The following SLC4A11 variants were observed in gnomAD, a reference collection of about 807,000 sequenced individuals.
SLC4A11 encodes the protein bicarbonate transporter related protein 1.
Under a neutral mutation model 95.0 loss-of-function variants are expected in SLC4A11, and 74 were observed. The ratio of observed to expected loss-of-function variants is 0.78; its 90% CI spans 0.65 to 0.95. SLC4A11 has a LOEUF of 0.95. Ranked by LOEUF, SLC4A11 falls within the 40% of genes least tolerant of loss-of-function variation. The pLI is 0.00. For missense variants in SLC4A11, 1,081 were observed against 1,192.4 expected (o/e 0.91, Z 1.38); for synonymous variants, 548 against 519.0 (o/e 1.06, Z -0.76).
chr20:3,230,906 A>ACCCACCG (rs752475090), intron 10 of SLC4A11, 27 bp downstream of exon 10: 9 of 902,892 alleles, frequency 1.0e-5, no homozygotes, highest in Admixed American at 6.1e-5. Context: ...GCATACCCCC[A>ACCCACCG]CCCACCGCCC....
At position 3,230,996 on chromosome 20, in the gene SLC4A11, C is replaced by T. The variant is rs770563344; in HGVS notation, c.1105G>A (p.Ala369Thr). The change falls in exon 10 of 20, where the codon GCC (alanine) becomes ACC (threonine). Residue 369 changes from alanine to threonine, a missense_variant. Ala to Thr is a moderately conservative substitution (Grantham distance 58, BLOSUM62 0). Transcript: ENST00000642402. ...AAAGCGATGGTGGGCAGGAGGCAGG[C>T]GAAGTAGAGGAACAGGGTGGTGGTG... ...YITTTLFLYFACLLPTIAFGS... is the reference protein window; with the variant it reads ...YITTTLFLYFTCLLPTIAFGS... The T allele has an allele frequency of 1.3e-5, 21 of 1,613,466 alleles. No individual in the cohort carries two copies. The highest frequency in any genetic ancestry group is 1.0e-4 in the Admixed American group (6 of 59,964).
chr20:3,232,279 T>C (rs1444121402), intron 7 of SLC4A11, among the ~76,000 whole-genome samples: 1 of 152,242 alleles, frequency 6.6e-6, no homozygotes, highest in Non-Finnish European at 1.5e-5. Flanking sequence ...AGCCCGTCCG[T>C]GAACCATGAA....
In SLC4A11 at chr20:3,229,023, G is replaced by A. The variant is rs567863718; in HGVS notation, c.2019-12C>T. ...TGCCCTTCACCAGCCTGCAGCAGAC[G>A]GGCACTCGTGGACAGAGCCCCACAG... On this transcript the variant is annotated splice_polypyrimidine_tract_variant and intron_variant, in intron 16 of 19. Transcript: ENST00000642402. The A allele has an allele frequency of 4.8e-5, 78 of 1,611,396 alleles. No homozygotes were observed. Among genetic ancestry groups the A allele is most frequent in the East Asian group, 1.8e-4 (8 of 44,750 alleles).
intron 7 of SLC4A11, among the ~76,000 whole-genome samples, chr20:3,232,628 G>A (rs1329627159): frequency 2.6e-5 from 4 of 152,278 alleles, no homozygotes; most frequent in Middle Eastern, 6.8e-3. Context: ...CGGGAGAATC[G>A]CTTGAACCTG....
chr20:3,234,352 G>A lies in SLC4A11; in HGVS notation c.292-38C>T, dbSNP rs768203032. ...CAGGGACAGAACCACACGGGCCCATGTATGAGATGCTGTCACTGCCTGGTC... is the reference window on the plus strand; with the variant it reads ...CAGGGACAGAACCACACGGGCCCATATATGAGATGCTGTCACTGCCTGGTC... On this transcript the variant is annotated intron_variant, in intron 4 of 19. Transcript: ENST00000642402. This position sits in a 1 kb window ranked among gnomAD's most constrained non-coding sequence, Gnocchi z 5.8. 3.8e-6 allele frequency: 6 copies of A among 1,587,228 alleles called. No homozygotes were observed. The highest frequency in any genetic ancestry group is 5.2e-6 in the Non-Finnish European group (6 of 1,158,224).
In SLC4A11 at chr20:3,234,413, A is replaced by G; in HGVS notation, c.292-99T>C. The stretch of plus-strand genomic sequence containing the variant: ...AGCCAGCCGCAGCAGTCCAGCCCCC[A>G]GCCCCCAGCCCCCAGCCCTGGGCTG... On this transcript the variant is annotated intron_variant, in intron 4 of 19. Coordinates refer to ENST00000642402, the MANE Select transcript of SLC4A11 (RefSeq NM_001174089.2). This position sits in a 1 kb window ranked among gnomAD's most constrained non-coding sequence, Gnocchi z 5.8. 1.4e-6 allele frequency: 2 copies of G among 1,475,640 alleles called. No homozygotes were observed. Among genetic ancestry groups the G allele is most frequent in the Non-Finnish European group, 1.9e-6 (2 of 1,065,860 alleles). 91.4% of individuals were successfully genotyped at this position (1,475,640 alleles called of 1,614,324 possible).
rs777024612 is a variant in SLC4A11, at chr20:3,228,240, A to C, written c.2558+19T>G. ...CACCTAGACTGGGCCCCTCCTGCCC[A>C]CTGCCCACCCGCCTGTACCGGATGG... On this transcript the variant is annotated intron_variant, in intron 19 of 19. Transcript: ENST00000642402. 2.0e-5 allele frequency: 29 copies of C among 1,430,968 alleles called. No individual in the cohort carries two copies. Among genetic ancestry groups the C allele is most frequent in the Non-Finnish European group, 2.6e-5 (28 of 1,070,820 alleles). 88.6% of individuals were successfully genotyped at this position (1,430,968 alleles called of 1,614,324 possible).
intron 1 of SLC4A11, 162 bp from the exon 2 acceptor site, chr20:3,237,750 G>T (rs2068029706): frequency 6.2e-7 from 1 of 1,613,422 alleles, no homozygotes; most frequent in Non-Finnish European, 8.5e-7. Context: ...CAGTGCTCGG[G>T]AGGGGGCCCC....
At chr20:3,236,146 C>T (rs1168438669) in intron 2 of SLC4A11, among the ~76,000 whole-genome samples, 1 of 152,182 alleles carries the variant, frequency 6.6e-6, no homozygotes, top group Non-Finnish European at 1.5e-5. Flanking sequence ...ACTCCCGCCG[C>T]CAGTTTCCTT....
Position 3,234,760 on chromosome 20 carries a change from T to C in SLC4A11, c.223A>G (p.Met75Val), listed in dbSNP as rs200940928. 47 of 1,613,920 alleles carry C rather than the reference T, an allele frequency of 2.9e-5. 1 individual carries two copies. The East Asian group carries it at 1.0e-3, about 36-fold the overall frequency. Residue 75 changes from methionine (M) to valine (V), a missense_variant, in exon 3 of 20, where the codon ATG becomes GTG. Coordinates refer to ENST00000642402, the MANE Select transcript of SLC4A11 (RefSeq NM_001174089.2). The surrounding 1 kb of genome is among the most constrained non-coding windows in gnomAD (Gnocchi z 5.8). ...CCCATACCAGTGTTGGTGGCCTGCA[T>C]CTCAAGGTTGACATTGACAAAAAAA... Reference protein sequence around the residue: ...IRFFVNVNLEMQATNTENEAT... With the variant: ...IRFFVNVNLEVQATNTENEAT...
rs547306557 is a variant in SLC4A11, at chr20:3,235,034, A to G, written c.89-140T>C. 101 of 1,002,990 alleles carry G rather than the reference A, an allele frequency of 1.0e-4. 1 individual carries two copies. The Admixed American group carries it at 1.3e-3, about 12-fold the overall frequency. The allele number at this position is 1,002,990 out of a possible 1,614,324, so 62.1% of individuals were successfully genotyped here. A position where few individuals can be genotyped will look rare whatever the true frequency, so the allele number is the denominator to read the frequency against. On this transcript the variant is annotated intron_variant, in intron 2 of 19. Coordinates refer to ENST00000642402, the MANE Select transcript of SLC4A11 (RefSeq NM_001174089.2). ...GGGAGAGGCCATCCCATAGGCGAGG[A>G]AGGCAGCTTCTAGTCCTGCCCCAGC...
rs1353969765 is a variant in SLC4A11 at position 3,238,606 on chromosome 20, C to A, written c.43+489G>T. On this transcript the variant is annotated intron_variant, in intron 1 of 19. Coordinates refer to ENST00000642402, the MANE Select transcript of SLC4A11 (RefSeq NM_001174089.2). ...CCGTGTCAGAGCAAGGGAGAAACCG[C>A]TGCGGCCGCGCAGGGCACGGTCAGG... 20 of 991,440 alleles carry A rather than the reference C, an allele frequency of 2.0e-5. No homozygotes were observed. The South Asian group carries it at 3.7e-4, about 19-fold the overall frequency. 61.4% of individuals were successfully genotyped at this position (991,440 alleles called of 1,614,324 possible).
At chr20:3,239,270 C>A (rs1452094637), upstream of SLC4A11, 63 of 1,203,588 alleles carry the variant, frequency 5.2e-5, no homozygotes, top group Non-Finnish European at 6.5e-5. Flanking sequence ...GGTCCTAATG[C>A]CGCTCAGACG....
chr20:3,229,907 C>T (rs2067696204), intron 13 of SLC4A11, 131 bp from the exon 14 acceptor site: 2 of 1,295,988 alleles, frequency 1.5e-6, no homozygotes, highest in South Asian at 1.2e-5. Context: ...GCCCATGCAC[C>T]CACACTCCTG....
chr20:3,237,080 G>A (rs6115822), intron 2 of SLC4A11, among the ~76,000 whole-genome samples: 2,654 of 152,288 alleles, frequency 0.017, 83 homozygotes, highest in African/African-American at 0.061. Context: ...ACAGCCTGAA[G>A]CCAGCCCAGA....
In SLC4A11 at chr20:3,228,544, C is replaced by T. The variant is rs1305167528; in HGVS notation, c.2356G>A (p.Val786Ile). ...ALTSLDGNQL[V>I]QRVALLLKEQ... ...TTGAGCAGCAGGGCCACGCGCTGGA[C>T]GAGCTGGTTGCCATCGAGGGAGGTG... Residue 786 changes from valine to isoleucine, a missense_variant, in exon 18 of 20, where the codon GTC (valine) becomes ATC (isoleucine). Physicochemically the swap from Val to Ile is conservative, Grantham distance 29. Transcript: ENST00000642402. The T allele has an allele frequency of 1.1e-5, 17 of 1,613,014 alleles. No homozygotes were observed. The highest frequency in any genetic ancestry group is 5.3e-5 in the African/African-American group (4 of 74,932).
At position 3,238,232 on chromosome 20, in the gene SLC4A11, T is replaced by C. The variant is rs1298827733; in HGVS notation, c.44-644A>G. 4.5e-6 allele frequency: 6 copies of C among 1,347,256 alleles called. No homozygotes were observed. The East Asian group carries it at 8.5e-5, about 19-fold the overall frequency. The allele number at this position is 1,347,256 out of a possible 1,614,324, so 83.5% of individuals were successfully genotyped here. On this transcript the variant is annotated intron_variant, in intron 1 of 19. Coordinates refer to ENST00000642402, the MANE Select transcript of SLC4A11 (RefSeq NM_001174089.2). Reference sequence around the variant, plus strand: ...GAGGAGTATCTGAGGGACACATGGGTCGGGGGAGGCTGCGCCCTCCCTGGG... The same window carrying C: ...GAGGAGTATCTGAGGGACACATGGGCCGGGGGAGGCTGCGCCCTCCCTGGG...
intron 13 of SLC4A11, 110 bp from the exon 14 acceptor site, chr20:3,229,886 C>G: frequency 6.8e-7 from 1 of 1,475,396 alleles, no homozygotes; most frequent in Non-Finnish European, 9.4e-7. Flanking sequence ...GTGAGGGGAC[C>G]CTGCCGACGT....
At chr20:3,235,715 A>G (rs1037798518) in intron 2 of SLC4A11, among the ~76,000 whole-genome samples, 1 of 151,908 alleles carries the variant, frequency 6.6e-6, no homozygotes, top group Non-Finnish European at 1.5e-5. Context: ...TCCTGGTAAC[A>G]TGCAAATATT....
Sources: gnomAD v4.1 joint callset for allele counts (sites outside exome capture counted in the v4.1 genomes callset) on GRCh38, gnomAD v4.1.1 for gene constraint, Gnocchi (gnomAD v3.1) non-coding constraint, MANE v1.5 for transcripts, NCBI Gene and HGNC (gene_info 2026-07-23, HGNC 2026-07-21) for gene names.